GPHN: variants seen among roughly 807,000 people sequenced by gnomAD.
GPHN encodes gephyrin.
A neutral mutation model predicts 95.5 loss-of-function variants in GPHN; 17 were observed. The ratio of observed to expected loss-of-function variants is 0.18; its 90% CI spans 0.12 to 0.27. GPHN has a LOEUF of 0.27. Among genes scored for constraint, GPHN ranks in the 10% least tolerant of loss-of-function variants. The pLI, the probability that GPHN is intolerant of heterozygous loss-of-function variation, is 1.00. For missense variants in GPHN, 660 were observed against 978.1 expected (o/e 0.67, Z 4.34); for synonymous variants, 320 against 322.5 (o/e 0.99, Z 0.08).
chr14:67,047,249 T>TGAAC lies in GPHN; in HGVS notation c.1007-11399_1007-11396dup, dbSNP rs1472778238. 6.6e-5 allele frequency among the ~76,000 whole-genome samples: 10 copies of TGAAC among 152,128 alleles called. No individual in the cohort carries two copies. In the East Asian group the frequency reaches 1.4e-3, roughly 21 times the overall value. On this transcript the variant is annotated intron_variant, in intron 10 of 22. Transcript: ENST00000478722. ...TGAATTTAATCAAGAAGGACCTGCA[T>TGAAC]GAACATCAGAACATCTTGTTTCTGC...
the GPHN span, among the ~76,000 whole-genome samples, chr14:67,599,524 T>G: frequency 1.3e-5 from 2 of 152,020 alleles, no homozygotes; most frequent in South Asian, 4.2e-4. Context: ...AAACAGAGAT[T>G]AGGAAGAACT....
chr14:66,769,604 A>T (rs1236433582), intron 2 of GPHN, among the ~76,000 whole-genome samples: 1 of 152,060 alleles, frequency 6.6e-6, no homozygotes, highest in Non-Finnish European at 1.5e-5. Flanking sequence ...GCATTAGTTC[A>T]CTTAAGATAA....
chr14:66,727,762 A>G (rs1205776354), intron 2 of GPHN, among the ~76,000 whole-genome samples: 1 of 152,246 alleles, frequency 6.6e-6, no homozygotes, highest in African/African-American at 2.4e-5. Flanking sequence ...GAAACAGAAC[A>G]TAAAAGTTTG....
At chr14:67,592,333 A>G in the GPHN span, 1 of 434,544 alleles carries the variant, frequency 2.3e-6, no homozygotes, top group Non-Finnish European at 4.2e-6. Flanking sequence ...CCAAGTTCTC[A>G]GGAGGCTGAG....
At chr14:67,704,498 C>T in the GPHN span, among the ~76,000 whole-genome samples, 1 of 152,124 alleles carries the variant, frequency 6.6e-6, no homozygotes, top group Non-Finnish European at 1.5e-5. Flanking sequence ...TTGGCCACTG[C>T]TGCTTATAAC....
At chr14:67,214,894 T>C in the GPHN span, among the ~76,000 whole-genome samples, 1 of 152,108 alleles carries the variant, frequency 6.6e-6, no homozygotes, top group Non-Finnish European at 1.5e-5. Flanking sequence ...CCCTTGTAAG[T>C]TGGATTCCTA....
At chr14:67,400,471 T>C in the GPHN span, among the ~76,000 whole-genome samples, 1 of 152,202 alleles carries the variant, frequency 6.6e-6, no homozygotes, top group African/African-American at 2.4e-5. Context: ...TCTCTACTGC[T>C]CTGCACATAG....
At chr14:66,997,232 T>A (rs964609664) in intron 9 of GPHN, among the ~76,000 whole-genome samples, 3 of 152,056 alleles carry the variant, frequency 2.0e-5, no homozygotes, top group Non-Finnish European at 2.9e-5. Context: ...CCAGACGTGG[T>A]GGCGCACACC....
intron 2 of GPHN, among the ~76,000 whole-genome samples, chr14:66,750,252 G>T (rs902908523): frequency 1.3e-5 from 2 of 151,786 alleles, no homozygotes; most frequent in African/African-American, 4.8e-5. Flanking sequence ...ATTAATTTTT[G>T]TGAAGGCTGT....
intron 2 of GPHN, among the ~76,000 whole-genome samples, chr14:66,763,575 A>G (rs1053484799): frequency 2.0e-5 from 3 of 151,456 alleles, no homozygotes; most frequent in Non-Finnish European, 2.9e-5. Flanking sequence ...TGAACTCATC[A>G]TTTTTTATGG....
chr14:67,634,733 G>C, the GPHN span, among the ~76,000 whole-genome samples: 2 of 152,194 alleles, frequency 1.3e-5, no homozygotes, highest in African/African-American at 4.8e-5. Context: ...ACTTTAGACA[G>C]ATGGTGCATT....
intron 7 of GPHN, 40 bp from the exon 8 acceptor site, chr14:66,924,154 C>T: frequency 9.2e-7 from 1 of 1,084,326 alleles, no homozygotes; most frequent in East Asian, 2.4e-5. Flanking sequence ...TTCATGTTTT[C>T]CTGTCACTAT....
chr14:66,681,591 CAA>C (rs1241370155), intron 2 of GPHN, among the ~76,000 whole-genome samples: 2 of 151,990 alleles, frequency 1.3e-5, no homozygotes, highest in African/African-American at 4.8e-5. Flanking sequence ...TTTGTTATAA[CAA>C]TATACATTTG....
the GPHN span, among the ~76,000 whole-genome samples, chr14:67,634,938 A>G: frequency 3.9e-5 from 6 of 152,190 alleles, no homozygotes; most frequent in Admixed American, 1.3e-4. Context: ...ACTGGGACAG[A>G]TATCTCAAGA....
chr14:67,102,159 A>G (rs2077743955), intron 13 of GPHN, among the ~76,000 whole-genome samples: 1 of 151,872 alleles, frequency 6.6e-6, no homozygotes, highest in Admixed American at 6.6e-5. Flanking sequence ...AGCGTGAGCC[A>G]CCGCGCCCGG....
chr14:67,164,270 C>CA (rs780524695), intron 19 of GPHN, among the ~76,000 whole-genome samples: 12,545 of 44,678 alleles, frequency 0.28, 1,069 homozygotes, highest in East Asian at 0.4. Context: ...ACTCCATCTC[C>CA]AAAAAAAAAA....
the GPHN span, among the ~76,000 whole-genome samples, chr14:67,468,588 AG>A: frequency 1.3e-4 from 20 of 152,060 alleles, no homozygotes; most frequent in African/African-American, 4.6e-4. Flanking sequence ...GGAGGAGGTG[AG>A]GAAGGAAAGT....
At chr14:66,568,510 T>A (rs957506069) in intron 1 of GPHN, among the ~76,000 whole-genome samples, 4 of 152,174 alleles carry the variant, frequency 2.6e-5, no homozygotes, top group Non-Finnish European at 5.9e-5. Context: ...ATTTTTGTTT[T>A]TTATTTTATT....
At chr14:67,347,444 AAAG>A in the GPHN span, 1 of 1,608,590 alleles carries the variant, frequency 6.2e-7, no homozygotes, top group Non-Finnish European at 8.5e-7. Flanking sequence ...AAATACTGGC[AAAG>A]TAACACCTGT....
Sources: gnomAD v4.1 joint callset for allele counts (sites outside exome capture counted in the v4.1 genomes callset) on GRCh38, gnomAD v4.1.1 for gene constraint, MANE v1.5 for transcripts, NCBI Gene and HGNC (gene_info 2026-07-23, HGNC 2026-07-21) for gene names.